Variants in CDK14 observed in about 807,000 individuals in gnomAD.
CDK14 encodes the protein cyclin-dependent kinase 14.
In CDK14, 34 loss-of-function variants were observed where a neutral mutation model predicts 60.7. The observed-to-expected ratio is 0.56, with a 90% confidence interval of 0.43 to 0.75. The LOEUF (loss-of-function observed/expected upper bound fraction) is 0.75, where lower values mean the gene tolerates loss of function less well. Ranked by LOEUF, CDK14 falls within the 30% of genes least tolerant of loss-of-function variation. The probability of loss-of-function intolerance (pLI) is 0.00; values close to 1 mark genes in which losing one functional copy is unlikely to be tolerated. For missense variants in CDK14, 482 were observed against 564.1 expected (o/e 0.85, Z 1.47); for synonymous variants, 197 against 203.7 (o/e 0.97, Z 0.28).
At chr7:90,723,870 T>G (rs1368966220) in intron 2 of CDK14, among the ~76,000 whole-genome samples, 1 of 152,236 alleles carries the variant, frequency 6.6e-6, no homozygotes, top group Non-Finnish European at 1.5e-5. Flanking sequence ...TGCATCTGTG[T>G]TCATGAGAGA....
chr7:91,144,167 C>T (rs1800551135), intron 14 of CDK14, among the ~76,000 whole-genome samples: 1 of 152,176 alleles, frequency 6.6e-6, no homozygotes, highest in Non-Finnish European at 1.5e-5. Flanking sequence ...AACTTGAACA[C>T]CCTAAAGGCC....
intron 14 of CDK14, among the ~76,000 whole-genome samples, chr7:91,189,299 G>A (rs1268868636): frequency 6.6e-6 from 1 of 152,084 alleles, no homozygotes; most frequent in Non-Finnish European, 1.5e-5. Flanking sequence ...CCACAATTAA[G>A]GGGTCAGCAG....
At chr7:90,666,361 C>T (rs960619099) in intron 2 of CDK14, 2 of 152,162 alleles carry the variant, frequency 1.3e-5, no homozygotes, top group Non-Finnish European at 2.9e-5. Flanking sequence ...GATTCTGATT[C>T]TCTGCCAGGG....
chr7:90,744,643 A>AC (rs1397084988), intron 3 of CDK14, among the ~76,000 whole-genome samples: 7 of 145,150 alleles, frequency 4.8e-5, no homozygotes, highest in Non-Finnish European at 7.5e-5. Flanking sequence ...CCGGGGGCTG[A>AC]CCCCCCCACC....
chr7:90,910,701 A>C (rs1792864255), intron 7 of CDK14, among the ~76,000 whole-genome samples: 1 of 152,168 alleles, frequency 6.6e-6, no homozygotes, highest in African/African-American at 2.4e-5. Flanking sequence ...GTAAGACAAA[A>C]AATGGGTTCA....
In CDK14 at chr7:90,655,416, A is replaced by C. The variant is rs553852252; in HGVS notation, c.123+51167A>C. 3.1e-4 allele frequency among the ~76,000 whole-genome samples: 47 copies of C among 152,258 alleles called. 1 individual carries two copies. The highest frequency in any genetic ancestry group is 8.9e-4 in the African/African-American group (37 of 41,558). ...GATGGTCTATCGGTTTAAAAAAAAA[A>C]CAGCCTGGAAAAATGTGATTTCTGA... On this transcript the variant is annotated intron_variant, in intron 2 of 14. Transcript: ENST00000380050.
Position 91,209,954 on chromosome 7 carries a change from A to G in CDK14, c.*2818A>G, listed in dbSNP as rs976311617. 1.3e-5 allele frequency: 2 copies of G among 152,632 alleles called. No homozygotes were observed. The highest frequency in any genetic ancestry group is 2.9e-5 in the Non-Finnish European group (2 of 68,036). 9.5% of individuals were successfully genotyped at this position (152,632 alleles called of 1,614,324 possible). ...TCTTGGTATCCTTTCCTCAGTGTGT[A>G]TATGACAGCCAGTATAATCAATACC... is the stretch of plus-strand genomic sequence containing the variant. On this transcript the variant is annotated 3_prime_UTR_variant, in exon 15 of 15. Coordinates refer to ENST00000380050, the MANE Select transcript of CDK14 (RefSeq NM_001287135.2).
At chr7:91,205,747 G>GT (rs1296055945) in intron 14 of CDK14, among the ~76,000 whole-genome samples, 1 of 152,162 alleles carries the variant, frequency 6.6e-6, no homozygotes, top group African/African-American at 2.4e-5. Context: ...ACTCACCATA[G>GT]TAAGTGGGGG....
rs542728321 is a variant in CDK14 at position 90,757,183 on chromosome 7, T to C, written c.464+9408T>C. On this transcript the variant is annotated intron_variant, in intron 4 of 14. Transcript: ENST00000380050. ...GCTTGCAGGTGCATCACCCCTCTTG[T>C]TGCCTTCTCCACATGGCATTCTTCC... is the stretch of plus-strand genomic sequence containing the variant. Among the ~76,000 whole-genome samples, 3 of 151,288 alleles carry C rather than the reference T, an allele frequency of 2.0e-5. No homozygotes were observed. In the South Asian group the frequency reaches 6.3e-4, roughly 32 times the overall value.
chr7:91,140,205 A>G (rs1312868409), intron 14 of CDK14, among the ~76,000 whole-genome samples: 1 of 152,216 alleles, frequency 6.6e-6, no homozygotes, highest in Admixed American at 6.5e-5. Context: ...TCTCTTTAAT[A>G]GAAATAAATA....
chr7:90,886,594 C>T (rs1039955518), intron 6 of CDK14, among the ~76,000 whole-genome samples: 3 of 152,154 alleles, frequency 2.0e-5, no homozygotes, highest in Non-Finnish European at 4.4e-5. Flanking sequence ...GCAAATGGCA[C>T]TAAGTCAAGA....
chr7:90,868,294 T>C (rs200258720), intron 6 of CDK14, among the ~76,000 whole-genome samples: 2 of 137,152 alleles, frequency 1.5e-5, no homozygotes, highest in Admixed American at 7.2e-5. Flanking sequence ...ATACACACTA[T>C]ATATATATAC....
At chr7:90,775,631 C>CCCCCTTCCCCTCCCCCTTCCCCT (rs1804999931) in intron 4 of CDK14, among the ~76,000 whole-genome samples, 1 of 87,412 alleles carries the variant, frequency 1.1e-5, no homozygotes, top group African/African-American at 3.9e-5. Flanking sequence ...TCCTCCCCCT[C>CCCCCTTCCCCTCCCCCTTCCCCT]CCCCTTCCCC....
intron 10 of CDK14, among the ~76,000 whole-genome samples, chr7:90,992,245 C>A (rs1035015302): frequency 2.4e-4 from 36 of 152,170 alleles, no homozygotes; most frequent in Non-Finnish European, 1.2e-4. Context: ...TAAAAGACAA[C>A]CTGTTTGTGA....
chr7:90,650,199 C>T (rs964862646), intron 2 of CDK14, among the ~76,000 whole-genome samples: 2 of 152,208 alleles, frequency 1.3e-5, no homozygotes, highest in South Asian at 2.1e-4. Context: ...TTGCATTTCT[C>T]TGATGACCAG....
intron 10 of CDK14, among the ~76,000 whole-genome samples, chr7:91,004,054 A>G (rs1294751676): frequency 1.3e-5 from 2 of 152,192 alleles, no homozygotes; most frequent in Non-Finnish European, 2.9e-5. Flanking sequence ...TATACTAGAA[A>G]ACAAGAAAGA....
chr7:90,641,168 C>T (rs1214516969), intron 2 of CDK14, among the ~76,000 whole-genome samples: 1 of 151,868 alleles, frequency 6.6e-6, no homozygotes. Flanking sequence ...AATTGGAACT[C>T]TCATACCCTG....
At chr7:90,936,897 A>G (rs753185116) in intron 8 of CDK14, among the ~76,000 whole-genome samples, 14 of 152,070 alleles carry the variant, frequency 9.2e-5, no homozygotes, top group Non-Finnish European at 1.9e-4. Context: ...TGGGTAATGT[A>G]GTGATACTCT....
chr7:90,689,953 A>C (rs1454559149), intron 2 of CDK14, among the ~76,000 whole-genome samples: 4 of 150,208 alleles, frequency 2.7e-5, no homozygotes, highest in African/African-American at 9.8e-5. Flanking sequence ...AAATTTTTAT[A>C]GAATTTCAGG....
Sources: allele counts gnomAD v4.1 joint callset (sites outside exome capture counted in the v4.1 genomes callset), GRCh38; gene constraint gnomAD v4.1.1; transcripts MANE v1.5; gene names NCBI Gene and HGNC (gene_info 2026-07-23, HGNC 2026-07-21).